The following FIP1L1 variants were observed in gnomAD, a reference collection of about 807,000 sequenced individuals.
FIP1L1 encodes pre-mRNA 3'-end-processing factor FIP1.
In FIP1L1, 21 loss-of-function variants were observed where a neutral mutation model predicts 84.6. The ratio of observed to expected loss-of-function variants is 0.25; its 90% CI spans 0.18 to 0.36. The LOEUF (loss-of-function observed/expected upper bound fraction) is 0.36. Among genes scored for constraint, FIP1L1 ranks in the 10% least tolerant of loss-of-function variants. The pLI is 1.00. For synonymous variants in FIP1L1, 263 were observed against 242.3 expected, an observed-to-expected ratio of 1.09 and a Z score of -0.80; for missense variants, 526 against 751.1, an observed-to-expected ratio of 0.70 and a Z score of 3.50.
At chr4:53,415,571 C>T (rs28538880) in intron 11 of FIP1L1, among the ~76,000 whole-genome samples, 19,569 of 149,332 alleles carry the variant, frequency 0.13, 2,527 homozygotes, top group African/African-American at 0.32. Context: ...AGCTATTTAC[C>T]TGGTTAGCTC....
At chr4:53,391,173 T>A in intron 8 of FIP1L1, 34 bp downstream of exon 8, 6 of 1,578,140 alleles carry the variant, frequency 3.8e-6, no homozygotes, top group Non-Finnish European at 5.1e-6. Flanking sequence ...ACCCTTGGCT[T>A]GTCTACCGTC....
At chr4:53,434,630 C>A (rs1310166533) in intron 13 of FIP1L1, among the ~76,000 whole-genome samples, 1 of 152,124 alleles carries the variant, frequency 6.6e-6, no homozygotes, top group Non-Finnish European at 1.5e-5. Flanking sequence ...TACTGCCACA[C>A]CTGGCTAATT....
At chr4:53,381,351 T>C (rs1444854623) in intron 3 of FIP1L1, among the ~76,000 whole-genome samples, 2 of 152,210 alleles carry the variant, frequency 1.3e-5, no homozygotes, top group Non-Finnish European at 2.9e-5. Flanking sequence ...TCTGTTTTTC[T>C]TAAACATTGC....
chr4:53,440,491 T>TAATAACAAAC, intron 13 of FIP1L1: 1 of 775,458 alleles, frequency 1.3e-6, no homozygotes. Flanking sequence ...GGCGAGGGGT[T>TAATAACAAAC]TTATTTCAAA....
chr4:53,403,200 T>G (rs1431652280), intron 10 of FIP1L1, among the ~76,000 whole-genome samples: 2 of 152,026 alleles, frequency 1.3e-5, no homozygotes, highest in Non-Finnish European at 2.9e-5. Context: ...TACAGTATTT[T>G]TATATGCTGA....
intron 5 of FIP1L1, among the ~76,000 whole-genome samples, chr4:53,385,318 A>T (rs1578138797): frequency 1.3e-5 from 2 of 152,242 alleles, no homozygotes; most frequent in Non-Finnish European, 1.5e-5. Flanking sequence ...TGGATTATGG[A>T]TGGGACCTTT....
chr4:53,395,919 A>ATTTTTTT (rs11400535), intron 9 of FIP1L1, among the ~76,000 whole-genome samples: 1 of 147,814 alleles, frequency 6.8e-6, no homozygotes. Context: ...GTATTTTATG[A>ATTTTTTT]TTTTTTTTTT....
rs1194937169 is a variant in FIP1L1, at chr4:53,389,802, T to C, written c.333-7T>C. 6.3e-7 allele frequency: 1 copy of C among 1,598,088 alleles called. No homozygotes were observed. The highest frequency in any genetic ancestry group is 8.5e-7 in the Non-Finnish European group (1 of 1,174,304). On this transcript the variant is annotated splice_polypyrimidine_tract_variant and splice_region_variant and intron_variant, in intron 5 of 17. Coordinates refer to ENST00000337488, the MANE Select transcript of FIP1L1 (RefSeq NM_030917.4). ...ATTTCTGTTTTTTTTTGTTTGTTTG[T>C]TTTTAGGAGTTATGGTACAGCACCT...
chr4:53,447,179 C>A (rs1233570634), intron 15 of FIP1L1, among the ~76,000 whole-genome samples: 1 of 151,874 alleles, frequency 6.6e-6, no homozygotes, highest in African/African-American at 2.4e-5. Context: ...ATGTTTATCA[C>A]CTTATTTCTT....
At chr4:53,381,824 A>ATCACTGCAGCC (rs1553907119) in intron 3 of FIP1L1, among the ~76,000 whole-genome samples, 4 of 132,492 alleles carry the variant, frequency 3.0e-5, no homozygotes, top group Non-Finnish European at 6.1e-5. Context: ...CAGTGGCATG[A>ATCACTGCAGCC]TCACTGCAGC....
intron 12 of FIP1L1, among the ~76,000 whole-genome samples, chr4:53,427,779 A>G (rs1764911135): frequency 6.6e-6 from 1 of 152,158 alleles, no homozygotes; most frequent in Admixed American, 6.5e-5. Context: ...AATTTTTGGT[A>G]ATGATCCAGT....
chr4:53,382,204 G>C (rs1208575190), intron 3 of FIP1L1, 74 bp from the exon 4 acceptor site: 2 of 1,043,532 alleles, frequency 1.9e-6, no homozygotes. Context: ...TTAAAGCTTA[G>C]AAATACTAAT....
intron 4 of FIP1L1, among the ~76,000 whole-genome samples, chr4:53,382,868 A>G (rs1478816796): frequency 6.6e-6 from 1 of 152,228 alleles, no homozygotes; most frequent in Admixed American, 6.5e-5. Context: ...CTTATTTACT[A>G]TGATGTGATT....
chr4:53,435,056 G>T (rs1354257415), intron 13 of FIP1L1, among the ~76,000 whole-genome samples: 2 of 152,204 alleles, frequency 1.3e-5, no homozygotes, highest in African/African-American at 4.8e-5. Flanking sequence ...AGAAATGTAA[G>T]CATTTTCCAG....
At chr4:53,390,145 G>A (rs1409345349) in intron 6 of FIP1L1, among the ~76,000 whole-genome samples, 2 of 152,126 alleles carry the variant, frequency 1.3e-5, no homozygotes, top group Non-Finnish European at 2.9e-5. Context: ...TCACCATGTT[G>A]TTCAGGCTGC....
rs1246887864 is a variant in FIP1L1 at position 53,453,057 on chromosome 4, C to A, written c.1423C>A (p.Arg475=). 2 of 1,612,192 alleles carry A rather than the reference C, an allele frequency of 1.2e-6. No homozygotes were observed. The highest frequency in any genetic ancestry group is 2.2e-5 in the South Asian group (2 of 91,018). The change falls in exon 16 of 18, where the codon CGG becomes AGG. Residue 475 remains arginine (R), a synonymous_variant. Coordinates refer to ENST00000337488, the MANE Select transcript of FIP1L1 (RefSeq NM_030917.4). ...RDRDRERDRD[R]DRERERTRER... is the part of the protein sequence containing the mutation. ...CAGAGACAGAGAGCGAGACCGTGAT[C>A]GGGACAGAGAAAGAGAACGCACCAG... is the stretch of plus-strand genomic sequence containing the variant.
chr4:53,415,288 C>T (rs1297097725), intron 11 of FIP1L1, among the ~76,000 whole-genome samples: 1 of 152,102 alleles, frequency 6.6e-6, no homozygotes, highest in Non-Finnish European at 1.5e-5. Context: ...ATTTACACAG[C>T]ATACAACCTC....
chr4:53,434,806 A>G (rs1055175900), intron 13 of FIP1L1, among the ~76,000 whole-genome samples: 2 of 152,178 alleles, frequency 1.3e-5, no homozygotes, highest in Non-Finnish European at 2.9e-5. Context: ...TTGACCTGGC[A>G]GATTCAGTAG....
intron 7 of FIP1L1, 64 bp downstream of exon 7, chr4:53,390,692 T>G: frequency 9.5e-7 from 1 of 1,049,248 alleles, no homozygotes; most frequent in Non-Finnish European, 1.4e-6. Context: ...GAAAATTTTT[T>G]TGAACATCAA....
Sources: gnomAD v4.1 joint callset for allele counts (sites outside exome capture counted in the v4.1 genomes callset) on GRCh38, gnomAD v4.1.1 for gene constraint, MANE v1.5 for transcripts, NCBI Gene and HGNC (gene_info 2026-07-23, HGNC 2026-07-21) for gene names.